The following ABCA9 variants were observed in gnomAD, a reference collection of about 807,000 sequenced individuals.
ABCA9 encodes the protein ATP-binding cassette sub-family A member 9.
In ABCA9, 183 loss-of-function variants were observed where a neutral mutation model predicts 205.3. The observed-to-expected ratio is 0.89, with a 90% CI of 0.79 to 1.01. The LOEUF (loss-of-function observed/expected upper bound fraction) is 1.01, where lower values mean the gene tolerates loss of function less well. Ranked by LOEUF, ABCA9 falls within the 50% of genes least tolerant of loss-of-function variation. ABCA9 has a pLI of 0.00. For synonymous variants in ABCA9, 651 were observed against 683.3 expected, an observed-to-expected ratio of 0.95 and a Z score of 0.74; for missense variants, 1,805 against 1,912.4, an observed-to-expected ratio of 0.94 and a Z score of 1.05.
At chr17:69,024,187 C>A (rs10512522) in intron 17 of ABCA9, 27 bp downstream of exon 17, 8 of 1,609,240 alleles carry the variant, frequency 5.0e-6, no homozygotes, top group Non-Finnish European at 6.8e-6. Context: ...ATTCCAAAAC[C>A]ATTCTGTCAT....
At chr17:69,014,899 T>C (rs2144241365) in intron 22 of ABCA9, among the ~76,000 whole-genome samples, 1 of 152,230 alleles carries the variant, frequency 6.6e-6, no homozygotes, top group East Asian at 1.9e-4. Context: ...CAACCCTGGG[T>C]GTGTCATCAC....
chr17:68,984,295 A>G, intron 34 of ABCA9, 120 bp from the exon 35 acceptor site: 1 of 1,404,116 alleles, frequency 7.1e-7, no homozygotes, highest in Admixed American at 2.1e-5. Context: ...CTAGACAAAA[A>G]AGGGGTGTGT....
chr17:69,070,971 T>C, the ABCA9 span, among the ~76,000 whole-genome samples: 3 of 152,132 alleles, frequency 2.0e-5, no homozygotes, highest in Admixed American at 2.0e-4. Context: ...AACAAAGCTG[T>C]CAGGAAGTTC....
In ABCA9 at chr17:68,985,036, A is replaced by C; in HGVS notation, c.4284+17T>G. 1 of 1,614,204 alleles carries C rather than the reference A, an allele frequency of 6.2e-7. No homozygotes were observed. Among genetic ancestry groups the C allele is most frequent in the Admixed American group, 1.7e-5 (1 of 60,018 alleles). On this transcript the variant is annotated intron_variant, in intron 33 of 38. Transcript: ENST00000340001. ...CATCTACGGCACTTGCAGAGCAACA[A>C]CAAGCCCTGCCCGTACCTTTCGCTT... is the stretch of plus-strand genomic sequence containing the variant.
At chr17:68,998,248 C>A (rs904783651) in intron 25 of ABCA9, among the ~76,000 whole-genome samples, 3 of 152,136 alleles carry the variant, frequency 2.0e-5, no homozygotes, top group Non-Finnish European at 2.9e-5. Flanking sequence ...CATCATTGTG[C>A]AGGTTTTTGT....
chr17:68,982,806 A>G (rs1468940449), intron 36 of ABCA9, among the ~76,000 whole-genome samples, 165 bp from the exon 37 acceptor site: 1 of 152,126 alleles, frequency 6.6e-6, no homozygotes, highest in Non-Finnish European at 1.5e-5. Flanking sequence ...TGAGTTTGAG[A>G]CCAGTCTGGG....
intron 34 of ABCA9, among the ~76,000 whole-genome samples, 156 bp from the exon 35 acceptor site, chr17:68,984,331 A>C (rs770127222): frequency 1.3e-5 from 2 of 152,180 alleles, no homozygotes; most frequent in African/African-American, 2.4e-5. Context: ...ACGGAAACCA[A>C]ACTATTGGAT....
intron 16 of ABCA9, among the ~76,000 whole-genome samples, chr17:69,025,590 A>ATGAT (rs374479614): frequency 6.5e-4 from 99 of 152,318 alleles, no homozygotes; most frequent in African/African-American, 2.2e-3. Context: ...ACAAGTAGTA[A>ATGAT]TGATAGATTG....
In ABCA9 at chr17:68,975,867, C is replaced by G; in HGVS notation, c.*48G>C. The G allele has an allele frequency of 7.1e-7, 1 of 1,407,834 alleles. No individual in the cohort carries two copies. The highest frequency in any genetic ancestry group is 9.9e-7 in the Non-Finnish European group (1 of 1,010,656). The allele number at this position is 1,407,834 out of a possible 1,614,324, so 87.2% of individuals were successfully genotyped here. ...GCATATTAAGGCTATAAAATATTAT[C>G]TTTAAAAGAGTCACAGGATTAAAGA... On this transcript the variant is annotated 3_prime_UTR_variant, in exon 39 of 39. Transcript: ENST00000340001.
chr17:69,020,634 T>C (rs764142778), intron 18 of ABCA9, 48 bp from the exon 19 acceptor site: 1 of 1,550,150 alleles, frequency 6.5e-7, no homozygotes, highest in South Asian at 1.1e-5. Context: ...TAGTTATGCA[T>C]TATTTAGCTT....
At chr17:68,982,699 G>T in intron 36 of ABCA9, 58 bp from the exon 37 acceptor site, 1 of 1,371,372 alleles carries the variant, frequency 7.3e-7, no homozygotes, top group Non-Finnish European at 1.0e-6. Flanking sequence ...ACCCCGATGG[G>T]TACAAGTCTA....
the ABCA9 span, among the ~76,000 whole-genome samples, chr17:69,069,887 T>C: frequency 6.6e-6 from 1 of 152,178 alleles, no homozygotes; most frequent in African/African-American, 2.4e-5. Flanking sequence ...GGTTATTCGG[T>C]ATCTTGTAAA....
chr17:69,038,512 C>T (rs1293970011), intron 6 of ABCA9, among the ~76,000 whole-genome samples: 1 of 152,128 alleles, frequency 6.6e-6, no homozygotes, highest in Non-Finnish European at 1.5e-5. Flanking sequence ...CAATAAAGTT[C>T]AACACCCCTT....
chr17:68,991,550 C>T (rs1404148356), intron 28 of ABCA9, among the ~76,000 whole-genome samples: 2 of 152,198 alleles, frequency 1.3e-5, no homozygotes, highest in African/African-American at 4.8e-5. Context: ...CACGCTCTGA[C>T]ATTCTGGTTG....
intron 3 of ABCA9, among the ~76,000 whole-genome samples, chr17:69,048,865 C>G (rs1366586805): frequency 6.6e-6 from 1 of 152,110 alleles, no homozygotes. Flanking sequence ...TTGTGTCCCA[C>G]CCACATATAT....
intron 25 of ABCA9, among the ~76,000 whole-genome samples, chr17:68,997,229 C>T (rs1462234209): frequency 6.6e-6 from 1 of 152,220 alleles, no homozygotes; most frequent in Non-Finnish European, 1.5e-5. Context: ...TTGAGCTCGG[C>T]CAAATTATTC....
chr17:69,008,831 G>C (rs2070263139), intron 23 of ABCA9, among the ~76,000 whole-genome samples: 1 of 152,210 alleles, frequency 6.6e-6, no homozygotes, highest in Admixed American at 6.5e-5. Context: ...ACCACTATAA[G>C]TCACATTATT....
intron 23 of ABCA9, among the ~76,000 whole-genome samples, chr17:69,009,846 A>T (rs1252446326): frequency 6.6e-6 from 1 of 152,180 alleles, no homozygotes; most frequent in Non-Finnish European, 1.5e-5. Flanking sequence ...AGAGAGAAAG[A>T]AAGACATTGA....
chr17:69,078,875 G>A, the ABCA9 span: 3,177 of 687,132 alleles, frequency 4.6e-3, 22 homozygotes, highest in Admixed American at 7.6e-3. Flanking sequence ...TATACCTGAT[G>A]TTAATTTTAA....
Sources: gnomAD v4.1 joint callset for allele counts (sites outside exome capture counted in the v4.1 genomes callset) on GRCh38, gnomAD v4.1.1 for gene constraint, MANE v1.5 for transcripts, NCBI Gene and HGNC (gene_info 2026-07-23, HGNC 2026-07-21) for gene names.